EPRS1: variants seen among roughly 807,000 people sequenced by gnomAD.
EPRS1 encodes glutamyl-prolyl-tRNA synthetase 1.
In EPRS1, 107 loss-of-function variants were observed where a neutral mutation model predicts 188.3. That is an observed-to-expected ratio of 0.57 (90% confidence interval 0.49 to 0.67). The LOEUF is 0.67. Ranked by LOEUF, EPRS1 falls within the 30% of genes least tolerant of loss-of-function variation. The pLI is 0.00. For missense variants in EPRS1, 1,577 were observed against 1,802.2 expected, an observed-to-expected ratio of 0.88 and a Z score of 2.26; for synonymous variants, 596 against 593.1, an observed-to-expected ratio of 1.00 and a Z score of -0.07.
At chr1:220,005,829 G>GTTTTTTTTTTTTTTT (rs879818549) in intron 15 of EPRS1, among the ~76,000 whole-genome samples, 3 of 45,728 alleles carry the variant, frequency 6.6e-5, no homozygotes, top group African/African-American at 1.8e-4. Flanking sequence ...TTTTTTTTTT[G>GTTTTTTTTTTTTTTT]TTTTTTTTTT....
intron 18 of EPRS1, among the ~76,000 whole-genome samples, chr1:219,989,791 A>T (rs561404287): frequency 6.6e-6 from 1 of 152,260 alleles, no homozygotes; most frequent in African/African-American, 2.4e-5. Context: ...AGGTAGTAAA[A>T]TTAAGAGAAA....
rs767452860 is a variant in EPRS1, at chr1:220,025,109, G to A, written c.750+23C>T. The stretch of plus-strand genomic sequence containing the variant: ...CTTTAATTCACTTTTCTGGCAAAGG[G>A]TCATCACTACACTTTTAATTACCTT... On this transcript the variant is annotated intron_variant, in intron 7 of 31. Transcript: ENST00000366923. 8.1e-6 allele frequency: 13 copies of A among 1,607,220 alleles called. No homozygotes were observed. In the South Asian group the frequency reaches 1.2e-4, roughly 15 times the overall value.
chr1:220,001,968 G>T (rs1421580971), intron 16 of EPRS1, among the ~76,000 whole-genome samples: 2 of 151,724 alleles, frequency 1.3e-5, no homozygotes, highest in Non-Finnish European at 2.9e-5. Flanking sequence ...GACAGAAGTT[G>T]CAGTGAGCCA....
Position 219,978,558 on chromosome 1 carries a change from G to C in EPRS1, c.4071C>G (p.His1357Gln), listed in dbSNP as rs1660822851. ...DNYSPGWKFN[H>Q]WELKGVPIRL... ...CTTAGGAATTTACCTTGAGCTCCCA[G>C]TGATTGAATTTCCAACCTGGAGAAT... The change falls in exon 28 of 32, where the codon CAC (histidine) becomes CAG (glutamine). Residue 1357 changes from histidine to glutamine, a missense_variant. This residue lies in a region of EPRS1 where 296 missense variants were observed against 327.9 expected (regional missense o/e 0.90). Transcript: ENST00000366923. 3 of 1,574,532 alleles carry C rather than the reference G, an allele frequency of 1.9e-6. No homozygotes were observed. Among genetic ancestry groups the C allele is most frequent in the African/African-American group, 2.7e-5 (2 of 73,362 alleles).
intron 12 of EPRS1, among the ~76,000 whole-genome samples, chr1:220,012,118 T>C (rs1661617027): frequency 6.6e-6 from 1 of 152,138 alleles, no homozygotes; most frequent in South Asian, 2.1e-4. Context: ...TCACGCAAAG[T>C]TTGAAAAGCT....
chr1:220,014,404 A>G (rs559824394), intron 12 of EPRS1, among the ~76,000 whole-genome samples: 1 of 152,176 alleles, frequency 6.6e-6, no homozygotes, highest in South Asian at 2.1e-4. Flanking sequence ...CCCACTCCAT[A>G]TAACCAGGCA....
rs1179542126 is a variant in EPRS1 at position 219,995,177 on chromosome 1, T to C, written c.2541+1806A>G. 2.0e-5 allele frequency among the ~76,000 whole-genome samples: 3 copies of C among 152,176 alleles called. No homozygotes were observed. In the East Asian group the frequency reaches 5.8e-4, roughly 29 times the overall value. On this transcript the variant is annotated intron_variant, in intron 18 of 31. Coordinates refer to ENST00000366923, the MANE Select transcript of EPRS1 (RefSeq NM_004446.3). Reference sequence around the variant, plus strand: ...ATACCTAATAAAAGTACCTGCCCAATTACCAAAGAAATTTAGATCTTTTTA... The same window carrying C: ...ATACCTAATAAAAGTACCTGCCCAACTACCAAAGAAATTTAGATCTTTTTA...
At chr1:219,987,054 T>G (rs1257555023) in intron 20 of EPRS1, 88 bp downstream of exon 20, 16 of 1,401,052 alleles carry the variant, frequency 1.1e-5, no homozygotes, top group Non-Finnish European at 1.6e-5. Flanking sequence ...AATGTGATGG[T>G]TAAACCAGTC....
chr1:220,022,226 G>A, intron 9 of EPRS1, 121 bp downstream of exon 9: 1 of 816,720 alleles, frequency 1.2e-6, no homozygotes, highest in Non-Finnish European at 1.9e-6. Context: ...CCACCAGCCA[G>A]TGAACCCATG....
At chr1:219,977,597 T>C (rs1660804888) in intron 28 of EPRS1, among the ~76,000 whole-genome samples, 1 of 151,966 alleles carries the variant, frequency 6.6e-6, no homozygotes, top group South Asian at 2.1e-4. Context: ...TATTTATAAG[T>C]AAGCAAAAAG....
intron 16 of EPRS1, among the ~76,000 whole-genome samples, chr1:220,004,296 A>G (rs1558052083): frequency 6.6e-6 from 1 of 152,178 alleles, no homozygotes. Flanking sequence ...AGCCTTGCAA[A>G]GTGCTGGGAT....
chr1:219,990,245 A>G (rs2102569994), intron 18 of EPRS1, among the ~76,000 whole-genome samples: 1 of 152,242 alleles, frequency 6.6e-6, no homozygotes, highest in African/African-American at 2.4e-5. Context: ...ATGTATTCAT[A>G]TATTTCCCCT....
At chr1:219,978,944 GTGTA>G (rs550239031) in intron 27 of EPRS1, among the ~76,000 whole-genome samples, 3,988 of 108,808 alleles carry the variant, frequency 0.037, 143 homozygotes, top group African/African-American at 0.1. Context: ...TCATATGTGT[GTGTA>G]TATATATATA....
intron 27 of EPRS1, among the ~76,000 whole-genome samples, chr1:219,978,946 G>GTA (rs991368941): frequency 4.1e-4 from 57 of 138,712 alleles, no homozygotes; most frequent in African/African-American, 4.1e-4. Flanking sequence ...ATATGTGTGT[G>GTA]TATATATATA....
chr1:220,028,798 C>G (rs1662032891), intron 6 of EPRS1, among the ~76,000 whole-genome samples: 1 of 86,770 alleles, frequency 1.2e-5, no homozygotes, highest in African/African-American at 2.9e-5. Flanking sequence ...GCCAAGCCTT[C>G]TGGCCTTTCA....
Position 219,979,521 on chromosome 1 carries a change from T to C in EPRS1, c.3806A>G (p.Tyr1269Cys), listed in dbSNP as rs150455059. 151 of 1,613,892 alleles carry C rather than the reference T, an allele frequency of 9.4e-5. No individual in the cohort carries two copies. The highest frequency in any genetic ancestry group is 3.8e-5 in the Non-Finnish European group (45 of 1,179,888). ...PKIPGEKQFA[Y>C]QNSWGLTTRT... ...AGTTGTCAGGCCCCAGGAGTTTTGA[T>C]AGGCAAATTGCTTCTCTCCTGGTAT... The change falls in exon 27 of 32, where the codon TAT (tyrosine) becomes TGT (cysteine). Residue 1269 changes from tyrosine (Y) to cysteine (C), a missense_variant. Tyr to Cys is a radical substitution (Grantham distance 194). Transcript: ENST00000366923.
rs753567818 is a variant in EPRS1 at position 219,969,078 on chromosome 1, CCAGT to C, written c.4364_4367del (p.Asp1455GlyfsTer60). ...TTTACCTGGCAGTGGTCTTTTTGAT[CCAGT>C]CCTCACAGTCAATTTCCCCACAGAA... On this transcript the variant is annotated frameshift_variant, in exon 31 of 32. Coordinates refer to ENST00000366923, the MANE Select transcript of EPRS1 (RefSeq NM_004446.3). LOFTEE classifies it high-confidence loss of function. The C allele has an allele frequency of 6.2e-7, 1 of 1,613,128 alleles. No homozygotes were observed. Among genetic ancestry groups the C allele is most frequent in the Admixed American group, 1.7e-5 (1 of 60,012 alleles).
intron 1 of EPRS1, among the ~76,000 whole-genome samples, chr1:220,042,900 A>C (rs2102602375): frequency 6.6e-6 from 1 of 152,282 alleles, no homozygotes; most frequent in Non-Finnish European, 1.5e-5. Context: ...CAGCCTGGTG[A>C]CAGGGTGAGA....
rs557652149 is a variant in EPRS1, at chr1:219,980,650, T to G, written c.3555+106A>C. 73 of 665,368 alleles carry G rather than the reference T, an allele frequency of 1.1e-4. No homozygotes were observed. In the African/African-American group the frequency reaches 1.2e-3, roughly 11 times the overall value. 41.2% of individuals were successfully genotyped at this position (665,368 alleles called of 1,614,324 possible). ...TTAAATCCATGAACATTTGAATTAATTTGATTTTGCTTTTAACAGGTGTTA... is the reference window on the plus strand; with the variant it reads ...TTAAATCCATGAACATTTGAATTAAGTTGATTTTGCTTTTAACAGGTGTTA... On this transcript the variant is annotated intron_variant, in intron 25 of 31. Transcript: ENST00000366923.
Sources: gnomAD v4.1 joint callset for allele counts (sites outside exome capture counted in the v4.1 genomes callset) on GRCh38, gnomAD v4.1.1 for gene constraint, gnomAD v4.1.1 regional missense constraint, MANE v1.5 for transcripts, NCBI Gene and HGNC (gene_info 2026-07-23, HGNC 2026-07-21) for gene names.